CWF19L2: variants seen among roughly 807,000 people sequenced by gnomAD.
CWF19L2 encodes CWF19 like cell cycle control factor 2.
A neutral mutation model predicts 111.7 loss-of-function variants in CWF19L2; 98 were observed. That is an observed-to-expected ratio of 0.88 (90% CI 0.75 to 1.04). The LOEUF is 1.04. Ranked by LOEUF, CWF19L2 falls within the 50% of genes least tolerant of loss-of-function variation. The pLI is 0.00. For missense variants in CWF19L2, 1,101 were observed against 1,051.4 expected, an observed-to-expected ratio of 1.05 and a Z score of -0.65; for synonymous variants, 351 against 342.9, an observed-to-expected ratio of 1.02 and a Z score of -0.26.
chr11:107,339,641 A>T (rs1160574581), intron 14 of CWF19L2, among the ~76,000 whole-genome samples: 1 of 151,138 alleles, frequency 6.6e-6, no homozygotes, highest in Non-Finnish European at 1.5e-5. Context: ...TCTTCAGCAA[A>T]ATGTTTCATG....
In CWF19L2 at chr11:107,326,919, T is replaced by TAA; in HGVS notation, c.2675_2676insTT (p.Lys892AsnfsTer2). The TAA allele has an allele frequency of 6.3e-7, 1 of 1,597,394 alleles. No homozygotes were observed. The highest frequency in any genetic ancestry group is 8.5e-7 in the Non-Finnish European group (1 of 1,174,562). On this transcript the variant is annotated frameshift_variant, in exon 18 of 18. Transcript: ENST00000282251. LOFTEE classifies it high-confidence loss of function. The stretch of plus-strand genomic sequence containing the variant: ...AAATGGAAGGTACACCTCAATAGTT[T>TAA]TTACTTTTGGTGAAGTCATATGGTT...
chr11:107,451,064 T>A (rs755839892), intron 3 of CWF19L2, among the ~76,000 whole-genome samples: 1 of 152,178 alleles, frequency 6.6e-6, no homozygotes, highest in South Asian at 2.1e-4. Context: ...CAAATACATA[T>A]GGAATTTTCA....
chr11:107,447,760 TAA>T (rs1273987194), intron 3 of CWF19L2, among the ~76,000 whole-genome samples: 1 of 152,064 alleles, frequency 6.6e-6, no homozygotes, highest in East Asian at 1.9e-4. Context: ...AGCATCCAAT[TAA>T]AAGTTACTAG....
At chr11:107,435,876 C>A (rs1267793322) in intron 6 of CWF19L2, among the ~76,000 whole-genome samples, 1 of 151,906 alleles carries the variant, frequency 6.6e-6, no homozygotes, top group Non-Finnish European at 1.5e-5. Flanking sequence ...ATGTACAAGG[C>A]CAGGTGCAGC....
At chr11:107,451,232 T>A (rs1169015190) in intron 3 of CWF19L2, among the ~76,000 whole-genome samples, 1 of 151,850 alleles carries the variant, frequency 6.6e-6, no homozygotes, top group Non-Finnish European at 1.5e-5. Flanking sequence ...CTCTTATATA[T>A]CCATGAGTAA....
chr11:107,443,139 C>T (rs776887062), intron 3 of CWF19L2, 90 bp from the exon 4 acceptor site: 35 of 876,824 alleles, frequency 4.0e-5, no homozygotes, highest in South Asian at 2.4e-4. Flanking sequence ...AATTCAACAT[C>T]GTAGAAAAAA....
rs774991875 is a variant in CWF19L2, at chr11:107,429,246, T to C, written c.986A>G (p.Asn329Ser). ...TTTTTCATCACCAATAAATTTTTCA[T>C]TATTGCTATTTTTTGCAGTATCTGT... ...ATTDTAKNSN[N>S]EKFIGDEKDK... Residue 329 changes from asparagine (N) to serine (S), a missense_variant, in exon 8 of 18, where the codon AAT becomes AGT. Asn to Ser is a conservative substitution (Grantham distance 46). Coordinates refer to ENST00000282251, the MANE Select transcript of CWF19L2 (RefSeq NM_152434.3). The C allele has an allele frequency of 6.2e-7, 1 of 1,612,438 alleles. No homozygotes were observed. Among genetic ancestry groups the C allele is most frequent in the Non-Finnish European group, 8.5e-7 (1 of 1,179,500 alleles).
intron 12 of CWF19L2, among the ~76,000 whole-genome samples, chr11:107,373,782 C>G (rs1229718819): frequency 1.5e-5 from 2 of 133,616 alleles, no homozygotes; most frequent in African/African-American, 6.0e-5. Context: ...ATGACTTTGA[C>G]GAGCTGAGAG....
At chr11:107,329,611 AAGCCCTT>A (rs1859812765) in intron 17 of CWF19L2, among the ~76,000 whole-genome samples, 1 of 152,186 alleles carries the variant, frequency 6.6e-6, no homozygotes, top group Non-Finnish European at 1.5e-5. Flanking sequence ...GGCACACTGT[AAGCCCTT>A]AATAAGTTTT....
chr11:107,349,694 T>C (rs927596601), intron 13 of CWF19L2, among the ~76,000 whole-genome samples: 1 of 152,164 alleles, frequency 6.6e-6, no homozygotes, highest in Non-Finnish European at 1.5e-5. Context: ...CTTATTCTTA[T>C]TTCTGTTATA....
At chr11:107,331,167 C>T (rs1373928451) in intron 16 of CWF19L2, among the ~76,000 whole-genome samples, 1 of 151,996 alleles carries the variant, frequency 6.6e-6, no homozygotes, top group Non-Finnish European at 1.5e-5. Context: ...CATGTTATGA[C>T]CTTGACTATT....
At chr11:107,387,768 G>A (rs12786041) in intron 12 of CWF19L2, among the ~76,000 whole-genome samples, 27,012 of 152,110 alleles carry the variant, frequency 0.18, 2,494 homozygotes, top group South Asian at 0.25. Flanking sequence ...GAATCTTGTC[G>A]CTGATCTGAC....
intron 7 of CWF19L2, among the ~76,000 whole-genome samples, chr11:107,432,722 T>G (rs1861481771): frequency 6.6e-6 from 1 of 152,228 alleles, no homozygotes; most frequent in East Asian, 1.9e-4. Context: ...AAGAGATATT[T>G]TTAAGTATGA....
intron 12 of CWF19L2, 151 bp downstream of exon 12, chr11:107,389,923 A>T (rs905032261): frequency 1.6e-6 from 1 of 638,990 alleles, no homozygotes; most frequent in Non-Finnish European, 2.5e-6. Flanking sequence ...ATCAATTCCA[A>T]AATGCATGTT....
chr11:107,345,396 A>T, intron 14 of CWF19L2: 1 of 406,986 alleles, frequency 2.5e-6, no homozygotes, highest in Non-Finnish European at 4.9e-6. Flanking sequence ...ATAAAAGTTT[A>T]AATAATCCGA....
intron 12 of CWF19L2, among the ~76,000 whole-genome samples, chr11:107,388,027 T>A (rs1444949156): frequency 3.9e-5 from 6 of 152,182 alleles, no homozygotes; most frequent in Non-Finnish European, 5.9e-5. Context: ...CTGCTTCAGA[T>A]CCTTTGCTGT....
At position 107,429,302 on chromosome 11, in the gene CWF19L2, A is replaced by AT. The variant is rs1228391046; in HGVS notation, c.929dup (p.Tyr310Ter). The change falls in exon 8 of 18, where the codon TAT (tyrosine) becomes TAAT (stop). Residue 310 changes from tyrosine to a stop codon, truncating the protein, a stop_gained and frameshift_variant. Coordinates refer to ENST00000282251, the MANE Select transcript of CWF19L2 (RefSeq NM_152434.3). LOFTEE classifies it high-confidence loss of function. Reference protein sequence around the residue: ...QESRESDLVKYGNSSRDRYAT... With the variant: ...QESRESDLVK ...CATATCTATCCCTTGAACTGTTACC[A>AT]TATTTTACTAAGTCTGATTCTCTAC... 12 of 1,612,568 alleles carry AT rather than the reference A, an allele frequency of 7.4e-6. No individual in the cohort carries two copies. Among genetic ancestry groups the AT allele is most frequent in the Non-Finnish European group, 1.0e-5 (12 of 1,179,212 alleles).
intron 9 of CWF19L2, among the ~76,000 whole-genome samples, chr11:107,417,331 A>G (rs986053380): frequency 3.9e-5 from 6 of 152,222 alleles, no homozygotes; most frequent in Non-Finnish European, 7.3e-5. Flanking sequence ...GGATGAATGG[A>G]TAAATGCAGC....
At chr11:107,348,294 T>TA (rs751028741) in intron 14 of CWF19L2, among the ~76,000 whole-genome samples, 8 of 152,100 alleles carry the variant, frequency 5.3e-5, no homozygotes, top group African/African-American at 1.7e-4. Context: ...TGTCTGGCAT[T>TA]AAAAAAATAA....
Sources: gnomAD v4.1 joint callset for allele counts (sites outside exome capture counted in the v4.1 genomes callset) on GRCh38, gnomAD v4.1.1 for gene constraint, MANE v1.5 for transcripts, NCBI Gene and HGNC (gene_info 2026-07-23, HGNC 2026-07-21) for gene names.